The following ADCY1 variants were observed in gnomAD, a reference collection of about 807,000 sequenced individuals.
ADCY1 encodes adenylate cyclase 1, also known as adenylate cyclase type 1.
ADCY1 carries 28 observed loss-of-function variants against 105.4 expected under a neutral mutation model. The ratio of observed to expected loss-of-function variants is 0.27; its 90% CI spans 0.20 to 0.36. ADCY1 has a LOEUF of 0.36. ADCY1 is among the 10% of genes least tolerant of loss of function. The probability of loss-of-function intolerance (pLI) is 1.00; values close to 1 mark genes in which losing one functional copy is unlikely to be tolerated. For missense variants in ADCY1, 977 were observed against 1,434.2 expected (o/e 0.68, Z 5.15); for synonymous variants, 655 against 623.8 (o/e 1.05, Z -0.75).
chr7:45,595,520 G>T (rs892404688), intron 2 of ADCY1, among the ~76,000 whole-genome samples: 1 of 152,100 alleles, frequency 6.6e-6, no homozygotes, highest in Non-Finnish European at 1.5e-5. Flanking sequence ...TTCACCTTCT[G>T]TATTTCTTTG....
At chr7:45,677,659 G>T (rs761881317) in intron 8 of ADCY1, among the ~76,000 whole-genome samples, 2 of 152,108 alleles carry the variant, frequency 1.3e-5, no homozygotes, top group Non-Finnish European at 2.9e-5. Context: ...CCATAAAACC[G>T]CCATTACAGG....
rs1785341247 is a variant in ADCY1 at position 45,715,373 on chromosome 7, G to A, written c.*1378G>A. ...AGATGTGGTCAGAGAGGTTTCTGTG[G>A]ACTGCAGATGAGGCCTGAGCCCTGC... On this transcript the variant is annotated 3_prime_UTR_variant, in exon 20 of 20. Coordinates refer to ENST00000297323, the MANE Select transcript of ADCY1 (RefSeq NM_021116.4). 6.6e-6 allele frequency: 1 copy of A among 152,340 alleles called. No homozygotes were observed. Among genetic ancestry groups the A allele is most frequent in the African/African-American group, 2.4e-5 (1 of 41,460 alleles). 9.4% of individuals were successfully genotyped at this position (152,340 alleles called of 1,614,324 possible). A position where few individuals can be genotyped will look rare whatever the true frequency, so the allele number is the denominator to read the frequency against.
intron 11 of ADCY1, 44 bp from the exon 12 acceptor site, chr7:45,684,935 T>G: frequency 6.4e-7 from 1 of 1,553,110 alleles, no homozygotes; most frequent in Non-Finnish European, 8.9e-7. Context: ...GTGAATCACC[T>G]TGGTAATCAG....
At chr7:45,600,012 G>A (rs1244665093) in intron 2 of ADCY1, among the ~76,000 whole-genome samples, 2 of 152,212 alleles carry the variant, frequency 1.3e-5, no homozygotes, top group Non-Finnish European at 2.9e-5. Context: ...GGACACACTG[G>A]TCTTCTTGGT....
chr7:45,664,226 G>T, intron 8 of ADCY1: 2 of 1,463,264 alleles, frequency 1.4e-6, no homozygotes, highest in Non-Finnish European at 1.8e-6. Flanking sequence ...TCAGAGCCTG[G>T]CTAAAATTTG....
intron 2 of ADCY1, among the ~76,000 whole-genome samples, chr7:45,596,866 C>T (rs1432229831): frequency 2.0e-5 from 3 of 152,110 alleles, no homozygotes; most frequent in East Asian, 1.9e-4. Flanking sequence ...ATCATGAACA[C>T]GTTTTGAGGG....
chr7:45,659,868 C>A (rs539219845), intron 6 of ADCY1, among the ~76,000 whole-genome samples, 174 bp from the exon 7 acceptor site: 1 of 152,182 alleles, frequency 6.6e-6, no homozygotes, highest in Non-Finnish European at 1.5e-5. Context: ...CTGTATCTGC[C>A]TGGGCCCTCC....
At chr7:45,711,886 ATATT>A (rs1222125871) in intron 19 of ADCY1, among the ~76,000 whole-genome samples, 2 of 104,268 alleles carry the variant, frequency 1.9e-5, no homozygotes, top group Non-Finnish European at 3.6e-5. Flanking sequence ...ATATATAAAT[ATATT>A]TATATATTAT....
chr7:45,696,127 G>C (rs947173435), intron 14 of ADCY1, among the ~76,000 whole-genome samples: 2 of 152,012 alleles, frequency 1.3e-5, no homozygotes, highest in East Asian at 1.9e-4. Context: ...ATTTTTTTCT[G>C]TGTGTGTGCA....
At chr7:45,589,533 T>C (rs573114093) in intron 1 of ADCY1, among the ~76,000 whole-genome samples, 17 of 152,308 alleles carry the variant, frequency 1.1e-4, no homozygotes, top group Admixed American at 7.2e-4. Flanking sequence ...TAAATGCCCC[T>C]CTAGCCGTGA....
chr7:45,593,079 G>T (rs1426138044), intron 2 of ADCY1, among the ~76,000 whole-genome samples, 171 bp downstream of exon 2: 1 of 152,216 alleles, frequency 6.6e-6, no homozygotes, highest in African/African-American at 2.4e-5. Context: ...TTTATAGTTA[G>T]CAAATGGACA....
chr7:45,679,452 G>A (rs1355535444), intron 10 of ADCY1, among the ~76,000 whole-genome samples: 3 of 152,196 alleles, frequency 2.0e-5, no homozygotes, highest in Non-Finnish European at 4.4e-5. Flanking sequence ...AGATCTCTGC[G>A]GTGGGGGTAG....
intron 2 of ADCY1, among the ~76,000 whole-genome samples, chr7:45,604,959 G>C (rs1793335370): frequency 6.6e-6 from 1 of 152,058 alleles, no homozygotes; most frequent in African/African-American, 2.4e-5. Flanking sequence ...CATGAACATG[G>C]TATGTCTCTC....
At chr7:45,699,216 A>G (rs1584340446) in intron 14 of ADCY1, among the ~76,000 whole-genome samples, 1 of 152,340 alleles carries the variant, frequency 6.6e-6, no homozygotes, top group African/African-American at 2.4e-5. Context: ...AGTAGGATGT[A>G]GGGTGAGGGC....
intron 12 of ADCY1, 63 bp from the exon 13 acceptor site, chr7:45,685,899 T>G: frequency 6.4e-7 from 1 of 1,551,616 alleles, no homozygotes; most frequent in Non-Finnish European, 8.7e-7. Context: ...CACCTGAGCA[T>G]GCTTAGGGGC....
intron 4 of ADCY1, among the ~76,000 whole-genome samples, chr7:45,631,247 C>G (rs752759792): frequency 1.8e-4 from 28 of 152,312 alleles, no homozygotes; most frequent in Admixed American, 3.9e-4. Context: ...CCATCAAGTT[C>G]TTAGATAACC....
At chr7:45,658,945 A>G (rs1795016956) in intron 6 of ADCY1, among the ~76,000 whole-genome samples, 2 of 152,316 alleles carry the variant, frequency 1.3e-5, no homozygotes, top group South Asian at 4.1e-4. Context: ...CCCAGCAGGG[A>G]CTGGGCCCGG....
intron 4 of ADCY1, among the ~76,000 whole-genome samples, chr7:45,627,185 A>G (rs1235013282): frequency 1.3e-5 from 2 of 152,198 alleles, no homozygotes; most frequent in African/African-American, 4.8e-5. Flanking sequence ...GAGCAGAATG[A>G]GGCTCATGTG....
At chr7:45,712,040 T>TTTTATATATTATATTAAATATATAA (rs1562736203) in intron 19 of ADCY1, among the ~76,000 whole-genome samples, 16 of 125,798 alleles carry the variant, frequency 1.3e-4, no homozygotes, top group Admixed American at 8.9e-5. Flanking sequence ...TAAATATATA[T>TTTTATATATTATATTAAATATATAA]TTTATATAAT....
Sources: gnomAD v4.1 joint callset for allele counts (sites outside exome capture counted in the v4.1 genomes callset) on GRCh38, gnomAD v4.1.1 for gene constraint, MANE v1.5 for transcripts, NCBI Gene and HGNC (gene_info 2026-07-23, HGNC 2026-07-21) for gene names.